Variants in OPCML observed in about 807,000 individuals in gnomAD.
OPCML encodes opioid-binding protein/cell adhesion molecule.
In OPCML, 13 loss-of-function variants were observed where a neutral mutation model predicts 37.8. That is an observed-to-expected ratio of 0.34 (90% CI 0.22 to 0.55). The LOEUF (loss-of-function observed/expected upper bound fraction) is 0.55. Among genes scored for constraint, OPCML ranks in the 20% least tolerant of loss-of-function variants. The pLI is 0.91. For synonymous variants in OPCML, 176 were observed against 168.8 expected, an observed-to-expected ratio of 1.04 and a Z score of -0.33; for missense variants, 341 against 435.6, an observed-to-expected ratio of 0.78 and a Z score of 1.93.
intron 1 of OPCML, among the ~76,000 whole-genome samples, chr11:133,399,957 C>T (rs1945367244): frequency 1.3e-5 from 2 of 152,006 alleles, no homozygotes; most frequent in East Asian, 3.9e-4. Context: ...ATTCGGCAAG[C>T]TAGACTAACC....
At chr11:133,092,945 T>C (rs1297551713) in intron 1 of OPCML, among the ~76,000 whole-genome samples, 1 of 152,114 alleles carries the variant, frequency 6.6e-6, no homozygotes, top group Non-Finnish European at 1.5e-5. Flanking sequence ...ATCCCATAGT[T>C]TGCCTATAAG....
chr11:132,903,535 T>C (rs1258805488), intron 2 of OPCML, among the ~76,000 whole-genome samples: 1 of 152,194 alleles, frequency 6.6e-6, no homozygotes, highest in Non-Finnish European at 1.5e-5. Flanking sequence ...GAATTGGGCG[T>C]TGGACATGCC....
intron 1 of OPCML, chr11:133,420,980 A>G (rs1378180022): frequency 2.0e-6 from 2 of 985,164 alleles, no homozygotes; most frequent in Non-Finnish European, 2.4e-6. Context: ...CATGGCTGGG[A>G]AAAAAAGCTG....
At chr11:132,612,822 C>CCAAGG (rs1938740172) in intron 3 of OPCML, among the ~76,000 whole-genome samples, 1 of 152,136 alleles carries the variant, frequency 6.6e-6, no homozygotes, top group Non-Finnish European at 1.5e-5. Context: ...TGGTTGGGCT[C>CCAAGG]TGCAGTCCGG....
intron 3 of OPCML, among the ~76,000 whole-genome samples, chr11:132,639,483 T>A (rs555617572): frequency 6.6e-6 from 1 of 152,214 alleles, no homozygotes; most frequent in Non-Finnish European, 1.5e-5. Context: ...ATCGCACTTA[T>A]GCTTCTCCCT....
At chr11:133,001,256 A>G (rs976948463) in intron 1 of OPCML, among the ~76,000 whole-genome samples, 4 of 152,174 alleles carry the variant, frequency 2.6e-5, no homozygotes, top group Admixed American at 6.5e-5. Flanking sequence ...AATGTTTACT[A>G]CCCACATGCC....
chr11:133,102,106 G>A (rs1489789767), intron 1 of OPCML, among the ~76,000 whole-genome samples: 1 of 152,154 alleles, frequency 6.6e-6, no homozygotes, highest in Non-Finnish European at 1.5e-5. Context: ...AAATCATTCT[G>A]TATGGTATTA....
intron 1 of OPCML, among the ~76,000 whole-genome samples, chr11:133,038,826 C>CAA (rs11429741): frequency 0.024 from 3,479 of 143,764 alleles, 54 homozygotes; most frequent in Non-Finnish European, 0.03. Context: ...TCTATGTTGC[C>CAA]AAAAAAAAAA....
chr11:133,097,188 C>A (rs750247875), intron 1 of OPCML, among the ~76,000 whole-genome samples: 4 of 152,110 alleles, frequency 2.6e-5, no homozygotes, highest in African/African-American at 9.7e-5. Context: ...ACAGAAATTG[C>A]GCAATGTGTG....
intron 1 of OPCML, among the ~76,000 whole-genome samples, chr11:133,417,463 T>TTTTATTTATTTA (rs143828312): frequency 6.7e-4 from 102 of 151,494 alleles, no homozygotes; most frequent in African/African-American, 1.6e-3. Flanking sequence ...ACCTGGATTC[T>TTTTATTTATTTA]TTTATTTATT....
chr11:133,436,998 C>T (rs772504718), intron 1 of OPCML, among the ~76,000 whole-genome samples: 2 of 152,184 alleles, frequency 1.3e-5, no homozygotes, highest in Non-Finnish European at 2.9e-5. Flanking sequence ...TCTCACACAT[C>T]CGCATGAGCC....
At chr11:133,073,466 C>T (rs1384182609) in intron 1 of OPCML, among the ~76,000 whole-genome samples, 1 of 152,226 alleles carries the variant, frequency 6.6e-6, no homozygotes, top group Admixed American at 6.5e-5. Flanking sequence ...AAACCCAGGA[C>T]AGGGAGCTGA....
chr11:132,848,171 C>G (rs191880955), intron 2 of OPCML, among the ~76,000 whole-genome samples: 1 of 152,304 alleles, frequency 6.6e-6, no homozygotes, highest in Non-Finnish European at 1.5e-5. Context: ...CATGTGAGAT[C>G]ACGTCTCTCA....
intron 1 of OPCML, among the ~76,000 whole-genome samples, chr11:133,030,989 G>T (rs1359089127): frequency 4.6e-5 from 7 of 151,994 alleles, no homozygotes; most frequent in African/African-American, 7.3e-5. Context: ...GTTTCTTCGT[G>T]TTCCCTTCCC....
chr11:133,132,816 G>T (rs1483151045), intron 1 of OPCML, among the ~76,000 whole-genome samples: 3 of 149,594 alleles, frequency 2.0e-5, no homozygotes, highest in African/African-American at 7.4e-5. Context: ...CATCCACTGT[G>T]ATAGAAGCGA....
At chr11:133,291,577 T>G (rs7131669) in intron 1 of OPCML, among the ~76,000 whole-genome samples, 57,810 of 152,118 alleles carry the variant, frequency 0.38, 12,655 homozygotes, top group East Asian at 0.69. Flanking sequence ...CATGCTCTGT[T>G]CATTTTCTCA....
intron 2 of OPCML, chr11:132,771,737 G>A (rs1397603888): frequency 6.6e-6 from 1 of 152,192 alleles, no homozygotes; most frequent in Admixed American, 6.5e-5. Context: ...AAAACGCACA[G>A]CATATAAACT....
chr11:132,420,672 C>CG (rs1565547343), intron 7 of OPCML, among the ~76,000 whole-genome samples: 1 of 152,058 alleles, frequency 6.6e-6, no homozygotes, highest in Non-Finnish European at 1.5e-5. Flanking sequence ...AATGATGAGT[C>CG]GGGGGGCACA....
chr11:132,963,977 G>T (rs1288441098), intron 1 of OPCML, among the ~76,000 whole-genome samples: 1 of 152,114 alleles, frequency 6.6e-6, no homozygotes, highest in Non-Finnish European at 1.5e-5. Context: ...GTGAGTGAAT[G>T]TATACGGCAG....
Sources: allele counts gnomAD v4.1 joint callset (sites outside exome capture counted in the v4.1 genomes callset), GRCh38; gene constraint gnomAD v4.1.1; transcripts MANE v1.5; gene names NCBI Gene and HGNC (gene_info 2026-07-23, HGNC 2026-07-21).